The following UBE3C variants were observed in gnomAD, a reference collection of about 807,000 sequenced individuals.
UBE3C encodes ubiquitin protein ligase E3C, also known as ubiquitin-protein ligase E3C.
In UBE3C, 42 loss-of-function variants were observed where a neutral mutation model predicts 129.4. The observed-to-expected ratio is 0.32, with a 90% CI of 0.25 to 0.42. The LOEUF is 0.42. UBE3C is among the 10% of genes least tolerant of loss of function. UBE3C has a pLI of 1.00. For synonymous variants in UBE3C, 510 were observed against 492.4 expected, an observed-to-expected ratio of 1.04 and a Z score of -0.47; for missense variants, 1,049 against 1,319.1, an observed-to-expected ratio of 0.80 and a Z score of 3.17.
chr7:157,140,850 C>T (rs900511490), intron 1 of UBE3C, among the ~76,000 whole-genome samples: 6 of 152,124 alleles, frequency 3.9e-5, no homozygotes, highest in Admixed American at 3.3e-4. Flanking sequence ...AAAAGAATCA[C>T]CCCTTTAAAA....
Position 157,175,016 on chromosome 7 carries a change from T to G in UBE3C, c.440T>G (p.Leu147Trp). ...ACATGCTTATTTCAGATAAAAAGAT[T>G]GATGAGCCTCTGTTGCAGGTAAAAT... ...RLTCLFQIKR[L>W]MSLCCRLLQN... The change falls in exon 5 of 23, where the codon TTG becomes TGG. Residue 147 changes from leucine (L) to tryptophan (W), a missense_variant. This residue lies in a region of UBE3C where 489 missense variants were observed against 513.8 expected (regional missense o/e 0.95). Coordinates refer to ENST00000348165, the MANE Select transcript of UBE3C (RefSeq NM_014671.3). 1 of 1,611,682 alleles carries G rather than the reference T, an allele frequency of 6.2e-7. No homozygotes were observed. The highest frequency in any genetic ancestry group is 8.5e-7 in the Non-Finnish European group (1 of 1,179,032).
At chr7:157,193,757 C>T (rs1233304114) in intron 10 of UBE3C, among the ~76,000 whole-genome samples, 2 of 150,990 alleles carry the variant, frequency 1.3e-5, no homozygotes, top group African/African-American at 2.4e-5. Context: ...TGACCTCACA[C>T]ATGGTTGTCT....
chr7:157,250,321 G>A (rs1796591381), intron 19 of UBE3C, among the ~76,000 whole-genome samples: 1 of 152,044 alleles, frequency 6.6e-6, no homozygotes, highest in Non-Finnish European at 1.5e-5. Context: ...TGAGTAGCTG[G>A]GATTACAGGC....
At chr7:157,156,856 A>T (rs890114951) in intron 1 of UBE3C, among the ~76,000 whole-genome samples, 1 of 152,088 alleles carries the variant, frequency 6.6e-6, no homozygotes, top group Non-Finnish European at 1.5e-5. Context: ...ATGATATTCC[A>T]TGTAGTGAAT....
At chr7:157,237,373 G>A (rs943320125) in intron 18 of UBE3C, among the ~76,000 whole-genome samples, 13 of 152,058 alleles carry the variant, frequency 8.5e-5, no homozygotes, top group African/African-American at 2.9e-4. Flanking sequence ...CCCGGGAGGC[G>A]GAGCTTGCAG....
rs550039674 is a variant in UBE3C at position 157,269,293 on chromosome 7, T to C, written c.*1538T>C. 6.6e-6 allele frequency: 1 copy of C among 152,556 alleles called. No individual in the cohort carries two copies. The highest frequency in any genetic ancestry group is 1.5e-5 in the Non-Finnish European group (1 of 68,040). 9.5% of individuals were successfully genotyped at this position (152,556 alleles called of 1,614,324 possible). A position where few individuals can be genotyped will look rare whatever the true frequency, so the allele number is the denominator to read the frequency against. On this transcript the variant is annotated 3_prime_UTR_variant, in exon 23 of 23. Transcript: ENST00000348165. ...ACAATTCACTTATTTGTGGTTTTTTTCTCAGCTATTCTGAGCTTATTTATT... is the reference window on the plus strand; with the variant it reads ...ACAATTCACTTATTTGTGGTTTTTTCCTCAGCTATTCTGAGCTTATTTATT...
intron 5 of UBE3C, among the ~76,000 whole-genome samples, chr7:157,176,953 T>C (rs529871626): frequency 6.6e-6 from 1 of 152,332 alleles, no homozygotes; most frequent in Non-Finnish European, 1.5e-5. Context: ...GAACATTGAA[T>C]TTTTCTTTTT....
At chr7:157,197,844 T>C in intron 10 of UBE3C, 1 of 1,611,172 alleles carries the variant, frequency 6.2e-7, no homozygotes, top group Non-Finnish European at 8.5e-7. Flanking sequence ...CACTGAATCA[T>C]CAATAAGAAC....
chr7:157,200,113 T>G (rs190474899), intron 10 of UBE3C, among the ~76,000 whole-genome samples: 48 of 152,312 alleles, frequency 3.2e-4, no homozygotes, highest in African/African-American at 9.9e-4. Flanking sequence ...TTCATTTTCT[T>G]ATGCAAACAT....
chr7:157,224,676 G>A (rs1308517377), intron 16 of UBE3C, among the ~76,000 whole-genome samples: 2 of 151,394 alleles, frequency 1.3e-5, no homozygotes, highest in African/African-American at 4.9e-5. Flanking sequence ...GGCTTCAAGA[G>A]TGTATTTTTT....
At position 157,233,981 on chromosome 7, in the gene UBE3C, T is replaced by G. The variant is rs148591851; in HGVS notation, c.2481+2654T>G. Among the ~76,000 whole-genome samples the G allele has an allele frequency of 2.0e-3, 312 of 152,368 alleles. 3 individuals carry two copies. The highest frequency in any genetic ancestry group is 7.3e-3 in the African/African-American group (305 of 41,588). ...ATCTTTTCATGTGCTTCATGACTTC[T>G]GTTGAGAAATGTCTATTCAAGTCCA... On this transcript the variant is annotated intron_variant, in intron 18 of 22. Coordinates refer to ENST00000348165, the MANE Select transcript of UBE3C (RefSeq NM_014671.3).
chr7:157,180,260 A>T (rs1162173036), intron 6 of UBE3C, among the ~76,000 whole-genome samples: 1 of 152,228 alleles, frequency 6.6e-6, no homozygotes, highest in Non-Finnish European at 1.5e-5. Flanking sequence ...TTTGCAACAG[A>T]ACCTTTGTCA....
Position 157,174,953 on chromosome 7 carries a change from C to T in UBE3C, c.377C>T (p.Ser126Phe), listed in dbSNP as rs553328316. Residue 126 changes from serine (S) to phenylalanine (F), a missense_variant, in exon 5 of 23, where the codon TCT (serine) becomes TTT (phenylalanine). Ser to Phe is a radical substitution (Grantham distance 155). Around this residue, in one of 4 missense-constraint regions of UBE3C, gnomAD observed 489 missense variants for 513.8 expected, o/e 0.95. Transcript: ENST00000348165. ...WLYQNLIKHSSLFVKQLDGSE... is the reference protein window; with the variant it reads ...WLYQNLIKHSFLFVKQLDGSE... Reference sequence around the variant, plus strand: ...TATCAGAACTTAATTAAACACAGCTCTCTGTTTGTCAAGCAGTTGGATGGA... The same window carrying T: ...TATCAGAACTTAATTAAACACAGCTTTCTGTTTGTCAAGCAGTTGGATGGA... 5 of 1,612,636 alleles carry T rather than the reference C, an allele frequency of 3.1e-6. No homozygotes were observed. Among genetic ancestry groups the T allele is most frequent in the Admixed American group, 1.7e-5 (1 of 59,826 alleles).
chr7:157,202,152 G>T (rs1809303327), intron 11 of UBE3C, among the ~76,000 whole-genome samples: 1 of 152,172 alleles, frequency 6.6e-6, no homozygotes, highest in Non-Finnish European at 1.5e-5. Context: ...GTAAATTAAA[G>T]ACTGCTGCAA....
intron 2 of UBE3C, among the ~76,000 whole-genome samples, chr7:157,167,431 G>A (rs912192214): frequency 2.0e-5 from 3 of 152,148 alleles, no homozygotes; most frequent in Admixed American, 6.5e-5. Context: ...ACATCTTTGG[G>A]TGTTGCTTAA....
chr7:157,263,911 G>A (rs779900374), intron 22 of UBE3C, among the ~76,000 whole-genome samples: 4 of 151,706 alleles, frequency 2.6e-5, no homozygotes, highest in Admixed American at 1.3e-4. Context: ...CTACCTACAT[G>A]AGTGTGTGTT....
chr7:157,202,032 T>A (rs2116988707), intron 11 of UBE3C, among the ~76,000 whole-genome samples: 1 of 152,320 alleles, frequency 6.6e-6, no homozygotes, highest in Non-Finnish European at 1.5e-5. Flanking sequence ...TATCTGAAGG[T>A]AAGTTTCCTT....
chr7:157,183,507 C>T (rs1808724483), intron 8 of UBE3C, among the ~76,000 whole-genome samples: 2 of 152,188 alleles, frequency 1.3e-5, no homozygotes, highest in African/African-American at 2.4e-5. Context: ...CTCCCACAGA[C>T]AGCCCCTTGG....
chr7:157,160,373 C>T (rs539514119), intron 1 of UBE3C, among the ~76,000 whole-genome samples: 12 of 152,308 alleles, frequency 7.9e-5, no homozygotes, highest in African/African-American at 2.6e-4. Context: ...CTGCAGCAGC[C>T]ACTTTCAAAT....
Sources: gnomAD v4.1 joint callset for allele counts (sites outside exome capture counted in the v4.1 genomes callset) on GRCh38, gnomAD v4.1.1 for gene constraint, gnomAD v4.1.1 regional missense constraint, MANE v1.5 for transcripts, NCBI Gene and HGNC (gene_info 2026-07-23, HGNC 2026-07-21) for gene names.